LARGE1: variants seen among roughly 807,000 people sequenced by gnomAD.
LARGE1 encodes LARGE xylosyl- and glucuronyltransferase 1, also known as xylosyl- and glucuronyltransferase LARGE1.
A neutral mutation model predicts 87.6 loss-of-function variants in LARGE1; 43 were observed. That is an observed-to-expected ratio of 0.49 (90% CI 0.38 to 0.63). LARGE1 has a LOEUF of 0.63. Among genes scored for constraint, LARGE1 ranks in the 30% least tolerant of loss-of-function variants. LARGE1 has a pLI of 0.00. For synonymous variants in LARGE1, 434 were observed against 394.6 expected, an observed-to-expected ratio of 1.10 and a Z score of -1.18; for missense variants, 802 against 1,000.2, an observed-to-expected ratio of 0.80 and a Z score of 2.67.
At chr22:33,233,355 C>T (rs1047560386) in intron 11 of LARGE1, among the ~76,000 whole-genome samples, 5 of 152,036 alleles carry the variant, frequency 3.3e-5, no homozygotes, top group African/African-American at 1.2e-4. Context: ...ACTAGTAAAG[C>T]ATTTACTTTA....
At chr22:33,290,352 T>A (rs1602260609) in intron 12 of LARGE1, among the ~76,000 whole-genome samples, 1 of 152,190 alleles carries the variant, frequency 6.6e-6, no homozygotes, top group East Asian at 1.9e-4. Flanking sequence ...GTGGTTCACA[T>A]TCTAGAGGCA....
intron 11 of LARGE1, among the ~76,000 whole-genome samples, chr22:33,245,104 A>G (rs909443062): frequency 1.3e-5 from 2 of 152,224 alleles, no homozygotes; most frequent in African/African-American, 4.8e-5. Context: ...TGTCAATGCC[A>G]TCTTTTCTCA....
chr22:33,423,679 CAAAA>C (rs57917109), intron 7 of LARGE1, among the ~76,000 whole-genome samples: 21 of 119,282 alleles, frequency 1.8e-4, no homozygotes, highest in African/African-American at 6.5e-4. Context: ...GATTCTGTCT[CAAAA>C]AAAAAAAAAA....
intron 2 of LARGE1, among the ~76,000 whole-genome samples, chr22:33,670,728 G>A (rs1389224107): frequency 1.3e-5 from 2 of 152,184 alleles, no homozygotes; most frequent in South Asian, 2.1e-4. Flanking sequence ...GGAAATCAGT[G>A]TGCAACGCCT....
At chr22:33,819,615 A>T (rs534733590) in intron 1 of LARGE1, among the ~76,000 whole-genome samples, 2 of 151,974 alleles carry the variant, frequency 1.3e-5, no homozygotes, top group South Asian at 4.2e-4. Flanking sequence ...TCAAATAATT[A>T]AGTTACCTTT....
intron 8 of LARGE1, among the ~76,000 whole-genome samples, chr22:33,382,437 CATG>C (rs2065189426): frequency 1.3e-5 from 2 of 152,158 alleles, no homozygotes; most frequent in African/African-American, 4.8e-5. Flanking sequence ...GAGGAAACTG[CATG>C]ATGACAAGTA....
At chr22:33,902,610 A>T (rs2065315224) in intron 1 of LARGE1, among the ~76,000 whole-genome samples, 1 of 152,208 alleles carries the variant, frequency 6.6e-6, no homozygotes. Flanking sequence ...TAAACTCTAC[A>T]TCAAACTTAA....
intron 11 of LARGE1, among the ~76,000 whole-genome samples, chr22:33,209,033 C>T (rs1222516232): frequency 6.6e-6 from 1 of 152,168 alleles, no homozygotes; most frequent in Non-Finnish European, 1.5e-5. Flanking sequence ...AATAAATATA[C>T]AGGTGCATGT....
intron 9 of LARGE1, among the ~76,000 whole-genome samples, chr22:33,369,303 T>C (rs1345126717): frequency 6.6e-6 from 1 of 152,202 alleles, no homozygotes; most frequent in Non-Finnish European, 1.5e-5. Flanking sequence ...TCTCAAGAGA[T>C]TGATAAGAAA....
intron 5 of LARGE1, among the ~76,000 whole-genome samples, chr22:33,603,295 G>C (rs1055391242): frequency 2.0e-5 from 3 of 152,206 alleles, no homozygotes; most frequent in African/African-American, 7.2e-5. Flanking sequence ...CTCATGCTTA[G>C]GTGTTGAGTC....
rs3071529 is a variant in LARGE1, at chr22:33,396,463, C to CAGAGAGAGAGAGAGAGAGAG, written c.893-12179_893-12160dup. Among the ~76,000 whole-genome samples, 313 of 104,700 alleles carry CAGAGAGAGAGAGAGAGAGAG rather than the reference C, an allele frequency of 3.0e-3. 14 individuals carry two copies. The highest frequency in any genetic ancestry group is 8.8e-3 in the African/African-American group (214 of 24,290). 68.7% of individuals were successfully genotyped at this position (104,700 alleles called of 152,430 possible). ...ACAGAGTGAGAGACAGAGAGAGTGACAGAGAGAGAGAGAGAGAGAGAGAGA... is the reference window on the plus strand; with the variant it reads ...ACAGAGTGAGAGACAGAGAGAGTGACAGAGAGAGAGAGAGAGAGAGAGAGAGAGAGAGAGAGAGAGAGAGA... On this transcript the variant is annotated intron_variant, in intron 7 of 14. Coordinates refer to ENST00000397394, the MANE Select transcript of LARGE1 (RefSeq NM_133642.5).
At chr22:33,799,365 T>G (rs1411154709) in intron 1 of LARGE1, among the ~76,000 whole-genome samples, 1 of 152,142 alleles carries the variant, frequency 6.6e-6, no homozygotes, top group Non-Finnish European at 1.5e-5. Flanking sequence ...ATAATCCATG[T>G]GGTGGGGACA....
chr22:33,385,815 C>T (rs147887081), intron 7 of LARGE1, among the ~76,000 whole-genome samples: 2 of 148,214 alleles, frequency 1.3e-5, no homozygotes, highest in African/African-American at 4.9e-5. Flanking sequence ...ATGCTTAGCT[C>T]AGCAGAATGG....
intron 5 of LARGE1, among the ~76,000 whole-genome samples, chr22:33,579,339 G>GT (rs1232639215): frequency 6.6e-6 from 1 of 152,228 alleles, no homozygotes; most frequent in African/African-American, 2.4e-5. Flanking sequence ...CACCATGATT[G>GT]TGAGGCATCC....
chr22:33,485,342 T>G (rs1159433460), intron 6 of LARGE1, among the ~76,000 whole-genome samples: 5 of 151,762 alleles, frequency 3.3e-5, no homozygotes, highest in Non-Finnish European at 4.4e-5. Flanking sequence ...GCCTCCCGAG[T>G]AGCTGGGATT....
At chr22:33,693,731 G>A (rs1363997962) in intron 2 of LARGE1, among the ~76,000 whole-genome samples, 1 of 152,192 alleles carries the variant, frequency 6.6e-6, no homozygotes, top group Non-Finnish European at 1.5e-5. Context: ...GGCTGAGACA[G>A]GAGAATCACT....
intron 2 of LARGE1, among the ~76,000 whole-genome samples, chr22:33,668,583 G>A (rs1164987072): frequency 6.6e-6 from 1 of 152,042 alleles, no homozygotes; most frequent in Non-Finnish European, 1.5e-5. Context: ...CCTTTAGATC[G>A]GCGGAACTTG....
intron 9 of LARGE1, among the ~76,000 whole-genome samples, chr22:33,360,424 C>A (rs1366447122): frequency 4.0e-5 from 6 of 149,562 alleles, no homozygotes; most frequent in Non-Finnish European, 8.9e-5. Context: ...TCTAGAGAGG[C>A]CTCAGGAAAC....
At chr22:33,116,055 T>C in the LARGE1 span, among the ~76,000 whole-genome samples, 5 of 152,184 alleles carry the variant, frequency 3.3e-5, no homozygotes, top group Admixed American at 1.3e-4. Flanking sequence ...ACTAATACAC[T>C]AGGTGTCCTA....
Sources: gnomAD v4.1 joint callset for allele counts (sites outside exome capture counted in the v4.1 genomes callset) on GRCh38, gnomAD v4.1.1 for gene constraint, MANE v1.5 for transcripts, NCBI Gene and HGNC (gene_info 2026-07-23, HGNC 2026-07-21) for gene names.